The following MAN1A1 variants were observed in gnomAD, a reference collection of about 807,000 sequenced individuals.
The protein encoded by MAN1A1 is mannosyl-oligosaccharide 1,2-alpha-mannosidase IA.
Under a neutral mutation model 70.8 loss-of-function variants are expected in MAN1A1, and 29 were observed. The observed-to-expected ratio is 0.41, with a 90% CI of 0.31 to 0.56. The LOEUF (loss-of-function observed/expected upper bound fraction) is 0.56, where lower values mean the gene tolerates loss of function less well. MAN1A1 is among the 20% of genes least tolerant of loss of function. MAN1A1 has a pLI of 0.29. For synonymous variants in MAN1A1, 349 were observed against 330.1 expected (o/e 1.06, Z -0.62); for missense variants, 747 against 841.3 (o/e 0.89, Z 1.39).
intron 2 of MAN1A1, among the ~76,000 whole-genome samples, chr6:119,340,043 A>G (rs1773560058): frequency 6.6e-6 from 1 of 152,174 alleles, no homozygotes; most frequent in Admixed American, 6.5e-5. Flanking sequence ...GCAAGACAAG[A>G]TTGCACCACT....
At chr6:119,230,761 G>A (rs560006402) in intron 6 of MAN1A1, among the ~76,000 whole-genome samples, 2 of 150,898 alleles carry the variant, frequency 1.3e-5, no homozygotes, top group Admixed American at 1.3e-4. Context: ...ACATTTTTTT[G>A]TTTTAGGGGG....
chr6:119,290,648 T>C (rs1776511232), intron 5 of MAN1A1, 35 bp downstream of exon 5: 2 of 1,480,710 alleles, frequency 1.4e-6, no homozygotes, highest in South Asian at 2.4e-5. Context: ...TAAGACACTT[T>C]ATAATTCACA....
chr6:119,234,742 C>T (rs1369950190), intron 6 of MAN1A1, among the ~76,000 whole-genome samples: 2 of 152,122 alleles, frequency 1.3e-5, no homozygotes, highest in African/African-American at 4.8e-5. Flanking sequence ...AAAAATTATA[C>T]ATTTAAAAAA....
At chr6:119,267,065 A>AAAATCCAGAACACT (rs1465220479) in intron 5 of MAN1A1, among the ~76,000 whole-genome samples, 1 of 152,254 alleles carries the variant, frequency 6.6e-6, no homozygotes, top group Non-Finnish European at 1.5e-5. Flanking sequence ...TAGAATGGTC[A>AAAATCCAGAACACT]AAATCCAGAA....
At position 119,204,786 on chromosome 6, in the gene MAN1A1, T is replaced by A; in HGVS notation, c.1089A>T (p.Leu363Phe). 1 of 1,614,044 alleles carries A rather than the reference T, an allele frequency of 6.2e-7. No homozygotes were observed. Among genetic ancestry groups the A allele is most frequent in the East Asian group, 2.2e-5 (1 of 44,880 alleles). The change falls in exon 7 of 13, where the codon TTA (leucine) becomes TTT (phenylalanine). Residue 363 changes from leucine (L) to phenylalanine (F), a missense_variant. Leu to Phe is a conservative substitution (Grantham distance 22). Around this residue, in one of 2 missense-constraint regions of MAN1A1, gnomAD observed 419 missense variants for 548.2 expected, o/e 0.76. Coordinates refer to ENST00000368468, the MANE Select transcript of MAN1A1 (RefSeq NM_005907.4). ...TTTCAGCAAAGATGGGGTTTCCTGA[T>A]AAGTGGCTCAAGTGCATAAACTCCA... Reference protein sequence around the residue: ...LHLEFMHLSHLSGNPIFAEKV... With the variant: ...LHLEFMHLSHFSGNPIFAEKV...
intron 2 of MAN1A1, among the ~76,000 whole-genome samples, chr6:119,322,435 A>G (rs1773034410): frequency 6.6e-6 from 1 of 152,144 alleles, no homozygotes; most frequent in South Asian, 2.1e-4. Context: ...CGCAGAACTA[A>G]TGGTAACCAC....
At chr6:119,215,483 G>A (rs763940918) in intron 6 of MAN1A1, among the ~76,000 whole-genome samples, 31 of 152,236 alleles carry the variant, frequency 2.0e-4, no homozygotes, top group Admixed American at 6.5e-4. Flanking sequence ...GAAACAGCAG[G>A]AGAGAGGCTG....
intron 6 of MAN1A1, 42 bp from the exon 7 acceptor site, chr6:119,204,924 C>A (rs768261528): frequency 6.2e-7 from 1 of 1,600,006 alleles, no homozygotes; most frequent in Non-Finnish European, 8.5e-7. Context: ...GTCAGATTAA[C>A]TCCGTTTTTC....
intron 2 of MAN1A1, among the ~76,000 whole-genome samples, chr6:119,345,480 T>C (rs1390572824): frequency 6.6e-6 from 1 of 152,184 alleles, no homozygotes; most frequent in Non-Finnish European, 1.5e-5. Flanking sequence ...ATTTTGAAGT[T>C]TTACATCAAA....
chr6:119,192,304 G>A (rs1362612369), intron 9 of MAN1A1, among the ~76,000 whole-genome samples: 1 of 152,134 alleles, frequency 6.6e-6, no homozygotes, highest in Non-Finnish European at 1.5e-5. Flanking sequence ...TCACAGCAAT[G>A]AGGAAAAATA....
rs192049751 is a variant in MAN1A1 at position 119,299,317 on chromosome 6, A to C, written c.816+2671T>G. 6.3e-4 allele frequency among the ~76,000 whole-genome samples: 96 copies of C among 152,244 alleles called. 1 individual carries two copies. The East Asian group carries it at 0.016, about 25-fold the overall frequency. ...TTATTGTTTGGATATTGTTGACAAC[A>C]TATTTTTTAAAAGGAAAACATGGTA... On this transcript the variant is annotated intron_variant, in intron 4 of 12. Coordinates refer to ENST00000368468, the MANE Select transcript of MAN1A1 (RefSeq NM_005907.4).
intron 3 of MAN1A1, 66 bp downstream of exon 3, chr6:119,306,830 C>A: frequency 8.8e-7 from 1 of 1,140,262 alleles, no homozygotes; most frequent in Non-Finnish European, 1.3e-6. Flanking sequence ...ACTTCTCCAC[C>A]ATCCATAAGC....
chr6:119,249,586 A>G (rs1775262917), intron 5 of MAN1A1, among the ~76,000 whole-genome samples: 1 of 152,140 alleles, frequency 6.6e-6, no homozygotes, highest in Admixed American at 6.5e-5. Flanking sequence ...TGGAAAATGG[A>G]GGCAAAGTTC....
At chr6:119,276,866 C>A (rs1776080264) in intron 5 of MAN1A1, among the ~76,000 whole-genome samples, 1 of 152,122 alleles carries the variant, frequency 6.6e-6, no homozygotes, top group African/African-American at 2.4e-5. Flanking sequence ...ACTAAGATGA[C>A]AATCTCTTCT....
intron 6 of MAN1A1, among the ~76,000 whole-genome samples, chr6:119,241,946 GTATGTGTGTGTGTGTGTGTGTGTGTGTA>G (rs1775020217): frequency 1.0e-3 from 6 of 5,904 alleles, no homozygotes; most frequent in African/African-American, 3.1e-3. Flanking sequence ...GTGTGTGTAT[GTATGTGTGTGTGTGTGTGTGTGTGTGTA>G]TATGTGTGTG....
At chr6:119,258,183 C>T (rs1397185961) in intron 5 of MAN1A1, among the ~76,000 whole-genome samples, 1 of 152,122 alleles carries the variant, frequency 6.6e-6, no homozygotes, top group Non-Finnish European at 1.5e-5. Flanking sequence ...GTTCTATTTA[C>T]TACTGCTTTC....
chr6:119,297,735 CTTTTTTTTTTT>C (rs386408421), intron 4 of MAN1A1, among the ~76,000 whole-genome samples: 1 of 95,686 alleles, frequency 1.0e-5, no homozygotes, highest in East Asian at 3.1e-4. Context: ...AAATAGTTTC[CTTTTTTTTTTT>C]TTTTTTTTTT....
rs1019249081 is a variant in MAN1A1, at chr6:119,177,803, G to A, written c.*2016C>T. The stretch of plus-strand genomic sequence containing the variant: ...ACACCAAGGTACCTCATAGTGCAGT[G>A]TGTACACACAACCTGATTTTAATAT... On this transcript the variant is annotated 3_prime_UTR_variant, in exon 13 of 13. Coordinates refer to ENST00000368468, the MANE Select transcript of MAN1A1 (RefSeq NM_005907.4). 6.6e-6 allele frequency: 1 copy of A among 152,004 alleles called. No individual in the cohort carries two copies. Among genetic ancestry groups the A allele is most frequent in the African/African-American group, 2.4e-5 (1 of 41,422 alleles). 9.4% of individuals were successfully genotyped at this position (152,004 alleles called of 1,614,324 possible). A position where few individuals can be genotyped will look rare whatever the true frequency, so the allele number is the denominator to read the frequency against.
At chr6:119,183,095 T>C (rs1219384962) in intron 11 of MAN1A1, among the ~76,000 whole-genome samples, 1 of 152,220 alleles carries the variant, frequency 6.6e-6, no homozygotes, top group Non-Finnish European at 1.5e-5. Context: ...TCAGCTCCCA[T>C]CTGCAGATAC....
Sources: allele counts gnomAD v4.1 joint callset (sites outside exome capture counted in the v4.1 genomes callset), GRCh38; gene constraint gnomAD v4.1.1; regional missense constraint gnomAD v4.1.1; transcripts MANE v1.5; gene names NCBI Gene and HGNC (gene_info 2026-07-23, HGNC 2026-07-21).